Variants in JPH3 observed in about 807,000 individuals in gnomAD.
JPH3 encodes junctophilin-3.
JPH3 carries 11 observed loss-of-function variants against 59.6 expected under a neutral mutation model. The observed-to-expected ratio is 0.18, with a 90% CI of 0.12 to 0.31. The LOEUF (loss-of-function observed/expected upper bound fraction) is 0.31, where lower values mean the gene tolerates loss of function less well. Among genes scored for constraint, JPH3 ranks in the 10% least tolerant of loss-of-function variants. JPH3 has a pLI of 1.00. For synonymous variants in JPH3, 673 were observed against 483.6 expected (o/e 1.39, Z -5.14); for missense variants, 1,202 against 1,105.7 (o/e 1.09, Z -1.24).
intron 1 of JPH3, among the ~76,000 whole-genome samples, chr16:87,632,360 C>A (rs941345941): frequency 1.3e-5 from 2 of 152,224 alleles, no homozygotes; most frequent in African/African-American, 4.8e-5. Context: ...AACTTTTCTT[C>A]CTGGGTTCTG....
intron 1 of JPH3, among the ~76,000 whole-genome samples, chr16:87,642,077 C>A (rs890788341): frequency 6.6e-6 from 1 of 152,082 alleles, no homozygotes; most frequent in Non-Finnish European, 1.5e-5. Context: ...GACAGAAAAG[C>A]CTGGAAGGAT....
intron 2 of JPH3, among the ~76,000 whole-genome samples, chr16:87,664,362 G>A (rs1195143499): frequency 6.6e-6 from 1 of 151,178 alleles, no homozygotes; most frequent in African/African-American, 2.4e-5. Flanking sequence ...GGCCCGTCAG[G>A]CGCGGTGGCT....
intron 1 of JPH3, among the ~76,000 whole-genome samples, chr16:87,620,365 C>T (rs913226441): frequency 2.9e-5 from 2 of 69,818 alleles, no homozygotes; most frequent in Middle Eastern, 9.3e-3. Context: ...CGGGCCAGAG[C>T]GGGGACGGGG....
At position 87,611,722 on chromosome 16, in the gene JPH3, G is replaced by GC. The variant is rs1208476482; in HGVS notation, c.382+8198dup. The stretch of plus-strand genomic sequence containing the variant: ...AGGTGTGTCAAGACACAGATTTCCA[G>GC]CCCCACCCCTGAGTCTCTGGGCCTG... On this transcript the variant is annotated intron_variant, in intron 1 of 4. Transcript: ENST00000284262. This position sits in a 1 kb window ranked among gnomAD's most constrained non-coding sequence, Gnocchi z 4.5. Among the ~76,000 whole-genome samples the GC allele has an allele frequency of 6.6e-6, 1 of 152,180 alleles. No individual in the cohort carries two copies. Among genetic ancestry groups the GC allele is most frequent in the Non-Finnish European group, 1.5e-5 (1 of 68,034 alleles).
At chr16:87,685,479 T>G (rs1023187723) in intron 3 of JPH3, among the ~76,000 whole-genome samples, 5 of 152,234 alleles carry the variant, frequency 3.3e-5, no homozygotes, top group Non-Finnish European at 7.3e-5. Flanking sequence ...GGCCCCTCCT[T>G]GCCTCGCCCA....
rs2033967666 is a variant in JPH3 at position 87,697,954 on chromosome 16, A to G, written c.*1294A>G. Reference sequence around the variant, plus strand: ...GAGGGGTCCGGGCACGGCCATACGCAGGACCCCTGTGCCCGGGGAGGCGCT... The same window carrying G: ...GAGGGGTCCGGGCACGGCCATACGCGGGACCCCTGTGCCCGGGGAGGCGCT... On this transcript the variant is annotated 3_prime_UTR_variant, in exon 5 of 5. Transcript: ENST00000284262. 1 of 152,548 alleles carries G rather than the reference A, an allele frequency of 6.6e-6. No individual in the cohort carries two copies. The highest frequency in any genetic ancestry group is 2.4e-5 in the African/African-American group (1 of 41,458). 9.4% of individuals were successfully genotyped at this position (152,548 alleles called of 1,614,324 possible). A position where few individuals can be genotyped will look rare whatever the true frequency, so the allele number is the denominator to read the frequency against.
At chr16:87,630,849 TC>T (rs2031544058) in intron 1 of JPH3, among the ~76,000 whole-genome samples, 1 of 152,146 alleles carries the variant, frequency 6.6e-6, no homozygotes, top group African/African-American at 2.4e-5. Flanking sequence ...ACCCCCATTC[TC>T]CCCACTCCCA....
At chr16:87,654,946 G>A (rs2032444725) in intron 2 of JPH3, 1 of 152,258 alleles carries the variant, frequency 6.6e-6, no homozygotes, top group Non-Finnish European at 1.5e-5. Context: ...CTGCCGGAGT[G>A]CGGCTCCGGG....
At chr16:87,607,290 C>G (rs964443548) in intron 1 of JPH3, among the ~76,000 whole-genome samples, 3 of 152,146 alleles carry the variant, frequency 2.0e-5, no homozygotes, top group African/African-American at 7.2e-5. Context: ...GAAAGTTACC[C>G]CCTCCAATAA....
chr16:87,686,981 A>C lies in JPH3; in HGVS notation c.1286-2665A>C, dbSNP rs183587714. On this transcript the variant is annotated intron_variant, in intron 3 of 4. Coordinates refer to ENST00000284262, the MANE Select transcript of JPH3 (RefSeq NM_020655.4). The stretch of plus-strand genomic sequence containing the variant: ...TCTGAGCACCTCGGTCCGATCTGCC[A>C]CCTCTTTGGGTGGCGCCCCGGAGCC... Among the ~76,000 whole-genome samples the C allele has an allele frequency of 2.2e-3, 329 of 152,178 alleles. 2 individuals are homozygous for C. Among genetic ancestry groups the C allele is most frequent in the African/African-American group, 7.6e-3 (315 of 41,516 alleles).
intron 2 of JPH3, among the ~76,000 whole-genome samples, chr16:87,671,632 C>A (rs4332754): frequency 1.5e-5 from 1 of 65,126 alleles, no homozygotes; most frequent in Non-Finnish European, 3.3e-5. Context: ...GAGCTCCCAG[C>A]TCTGGGGTCC....
At position 87,647,585 on chromosome 16, in the gene JPH3, G is replaced by C. The variant is rs1425026370; in HGVS notation, c.1160+2550G>C. ...GTCCCTTCGCCCGAGCGGGCGTCGC[G>C]GGGAGGGAGGTGGTTCCTGCTTCCG... On this transcript the variant is annotated intron_variant, in intron 2 of 4. Coordinates refer to ENST00000284262, the MANE Select transcript of JPH3 (RefSeq NM_020655.4). Among the ~76,000 whole-genome samples, 2 of 152,188 alleles carry C rather than the reference G, an allele frequency of 1.3e-5. 1 individual carries two copies. Among genetic ancestry groups the C allele is most frequent in the South Asian group, 4.1e-4 (2 of 4,834 alleles).
intron 1 of JPH3, among the ~76,000 whole-genome samples, chr16:87,631,331 G>A (rs1433495872): frequency 2.6e-5 from 4 of 152,124 alleles, no homozygotes; most frequent in African/African-American, 9.7e-5. Context: ...TAGTTTCTGT[G>A]GCTTGATTAT....
intron 1 of JPH3, among the ~76,000 whole-genome samples, chr16:87,614,512 G>A (rs550364145): frequency 1.8e-4 from 26 of 144,460 alleles, no homozygotes; most frequent in Non-Finnish European, 2.4e-4. Context: ...CAGGATAAAC[G>A]CAGGTCCATG....
At chr16:87,626,509 G>A (rs114624514) in intron 1 of JPH3, among the ~76,000 whole-genome samples, 1 of 152,214 alleles carries the variant, frequency 6.6e-6, no homozygotes, top group Non-Finnish European at 1.5e-5. Context: ...AGTGGTGTGG[G>A]GGCCCCTGTG....
chr16:87,609,560 G>A (rs370239097), intron 1 of JPH3, among the ~76,000 whole-genome samples: 49 of 152,318 alleles, frequency 3.2e-4, no homozygotes, highest in East Asian at 2.9e-3. Context: ...CACTGTGCCC[G>A]GCCTAGGGTG....
chr16:87,602,430 G>A (rs2030241990), upstream of JPH3, among the ~76,000 whole-genome samples: 6 of 101,740 alleles, frequency 5.9e-5, no homozygotes, highest in Non-Finnish European at 1.2e-4. Flanking sequence ...GGGGGCGGGG[G>A]CGGGGGCGGG....
At chr16:87,620,450 GAGA>G (rs1280616425) in intron 1 of JPH3, among the ~76,000 whole-genome samples, 1 of 135,106 alleles carries the variant, frequency 7.4e-6, no homozygotes, top group Non-Finnish European at 1.6e-5. Context: ...GAGAGAGAGA[GAGA>G]AGGAGAGAGA....
intron 2 of JPH3, among the ~76,000 whole-genome samples, chr16:87,646,083 T>A (rs903785519): frequency 3.3e-5 from 5 of 152,132 alleles, no homozygotes; most frequent in African/African-American, 1.2e-4. Context: ...GCAGGAGGCT[T>A]CCCAGGGCAC....
Sources: gnomAD v4.1 joint callset for allele counts (sites outside exome capture counted in the v4.1 genomes callset) on GRCh38, gnomAD v4.1.1 for gene constraint, Gnocchi (gnomAD v3.1) non-coding constraint, MANE v1.5 for transcripts, NCBI Gene and HGNC (gene_info 2026-07-23, HGNC 2026-07-21) for gene names.